CHSY1: variants seen among roughly 807,000 people sequenced by gnomAD.
The protein encoded by CHSY1 is chondroitin sulfate synthase 1.
CHSY1 carries 13 observed loss-of-function variants against 59.8 expected under a neutral mutation model. The ratio of observed to expected loss-of-function variants is 0.22; its 90% CI spans 0.14 to 0.35. CHSY1 has a LOEUF of 0.35. Among genes scored for constraint, CHSY1 ranks in the 10% least tolerant of loss-of-function variants. The pLI is 1.00. For missense variants in CHSY1, 947 were observed against 1,030.6 expected, an observed-to-expected ratio of 0.92 and a Z score of 1.11; for synonymous variants, 459 against 401.2, an observed-to-expected ratio of 1.14 and a Z score of -1.72.
At chr15:101,202,755 T>G (rs562230958) in intron 2 of CHSY1, among the ~76,000 whole-genome samples, 14 of 152,356 alleles carry the variant, frequency 9.2e-5, no homozygotes, top group Non-Finnish European at 2.9e-5. Flanking sequence ...AATAGTAGTT[T>G]GCAAATTTAG....
Position 101,237,416 on chromosome 15 carries a change from C to T in CHSY1, c.321-1839G>A, listed in dbSNP as rs147134667. On this transcript the variant is annotated intron_variant, in intron 1 of 2. Transcript: ENST00000254190. The stretch of plus-strand genomic sequence containing the variant: ...GAAGGCCGAAGGAAGCCAGAGTGGA[C>T]ACAGGAAGACCACTGAGTAAACTAC... Among the ~76,000 whole-genome samples, 550 of 152,230 alleles carry T rather than the reference C, an allele frequency of 3.6e-3. 1 individual carries two copies. Among genetic ancestry groups the T allele is most frequent in the Non-Finnish European group, 6.1e-3 (414 of 68,002 alleles).
chr15:101,185,844 T>A, intron 2 of CHSY1, among the ~76,000 whole-genome samples: 1 of 151,948 alleles, frequency 6.6e-6, no homozygotes, highest in East Asian at 1.9e-4. Context: ...CTGAATCATT[T>A]TGCTCTAGGC....
chr15:101,213,139 C>G (rs2038698277), intron 2 of CHSY1, among the ~76,000 whole-genome samples: 1 of 151,976 alleles, frequency 6.6e-6, no homozygotes, highest in African/African-American at 2.4e-5. Context: ...GTAAGGAAAA[C>G]AGAGTAAGAG....
chr15:101,217,812 C>T (rs780801630), intron 2 of CHSY1, among the ~76,000 whole-genome samples: 1 of 152,172 alleles, frequency 6.6e-6, no homozygotes, highest in Non-Finnish European at 1.5e-5. Context: ...ATTCCAACCT[C>T]AAGGAAGGAG....
intron 2 of CHSY1, among the ~76,000 whole-genome samples, chr15:101,231,002 T>C (rs568751492): frequency 6.6e-6 from 1 of 152,264 alleles, no homozygotes; most frequent in East Asian, 1.9e-4. Flanking sequence ...TGTATTTTGG[T>C]GTGCGGGTGT....
intron 2 of CHSY1, among the ~76,000 whole-genome samples, chr15:101,211,721 G>A (rs1275911878): frequency 6.6e-6 from 1 of 151,966 alleles, no homozygotes; most frequent in Non-Finnish European, 1.5e-5. Context: ...TATCAAGGGA[G>A]AAATAATCCT....
chr15:101,242,075 A>T lies in CHSY1; in HGVS notation c.321-6498T>A, dbSNP rs538033674. On this transcript the variant is annotated intron_variant, in intron 1 of 2. Coordinates refer to ENST00000254190, the MANE Select transcript of CHSY1 (RefSeq NM_014918.5). ...TTATTTTCTATTGTTTTTCCCCCCA[A>T]ATATTTTCAATCCATGGATGGTGGA... Among the ~76,000 whole-genome samples the T allele has an allele frequency of 3.3e-5, 5 of 152,246 alleles. No individual in the cohort carries two copies. In the South Asian group the frequency reaches 1.0e-3, roughly 32 times the overall value.
chr15:101,210,276 G>A (rs1171006048), intron 2 of CHSY1, among the ~76,000 whole-genome samples: 8 of 152,158 alleles, frequency 5.3e-5, no homozygotes, highest in Non-Finnish European at 1.5e-5. Context: ...CAAAGCAAAA[G>A]TGCTTAGCAG....
rs200509372 is a variant in CHSY1 at position 101,250,892 on chromosome 15, G to GTACA, written c.320+241_320+244dup. On this transcript the variant is annotated intron_variant, in intron 1 of 2. Coordinates refer to ENST00000254190, the MANE Select transcript of CHSY1 (RefSeq NM_014918.5). ...TAAAGTGCCTTCATCAGGGTGAGAG[G>GTACA]TACACCCAGCGAGGCCACACTAGTC... is the stretch of plus-strand genomic sequence containing the variant. Among the ~76,000 whole-genome samples, 1,446 of 152,338 alleles carry GTACA rather than the reference G, an allele frequency of 9.5e-3. 20 individuals are homozygous for GTACA. Among genetic ancestry groups the GTACA allele is most frequent in the African/African-American group, 0.033 (1,370 of 41,578 alleles).
intron 2 of CHSY1, among the ~76,000 whole-genome samples, chr15:101,183,341 A>C (rs2038307292): frequency 6.6e-6 from 1 of 152,214 alleles, no homozygotes; most frequent in African/African-American, 2.4e-5. Context: ...AGCAATCTAA[A>C]AATTTCCACA....
chr15:101,224,343 T>G (rs932580330), intron 2 of CHSY1, among the ~76,000 whole-genome samples: 4 of 152,222 alleles, frequency 2.6e-5, no homozygotes, highest in Non-Finnish European at 4.4e-5. Context: ...CTGGGGGCAT[T>G]TGTGTGCCAA....
At chr15:101,189,242 C>T (rs1474217225) in intron 2 of CHSY1, among the ~76,000 whole-genome samples, 1 of 152,242 alleles carries the variant, frequency 6.6e-6, no homozygotes, top group East Asian at 1.9e-4. Context: ...CCACCCAGCA[C>T]CAGGTATGGC....
chr15:101,182,574 G>C (rs911546560), intron 2 of CHSY1, among the ~76,000 whole-genome samples: 1 of 152,234 alleles, frequency 6.6e-6, no homozygotes, highest in Non-Finnish European at 1.5e-5. Flanking sequence ...GTGGTGAGGT[G>C]CAAGTCTGAT....
chr15:101,186,597 GATTC>G, intron 2 of CHSY1: 2 of 151,934 alleles, frequency 1.3e-5, no homozygotes, highest in African/African-American at 4.8e-5. Context: ...TGAGCCCAGG[GATTC>G]AAGATGAGCT....
At chr15:101,247,522 A>G (rs752410017) in intron 1 of CHSY1, among the ~76,000 whole-genome samples, 15 of 152,192 alleles carry the variant, frequency 9.9e-5, no homozygotes, top group Non-Finnish European at 1.8e-4. Context: ...CCCAGGACTC[A>G]GGGTCGGGGG....
intron 2 of CHSY1, among the ~76,000 whole-genome samples, chr15:101,198,001 C>T (rs992803863): frequency 1.3e-5 from 2 of 152,158 alleles, no homozygotes; most frequent in African/African-American, 2.4e-5. Context: ...TCACGTCGCA[C>T]AGACTGCGAC....
rs549997964 is a variant in CHSY1, at chr15:101,247,837, G to A, written c.320+3300C>T. Among the ~76,000 whole-genome samples, 15 of 152,242 alleles carry A rather than the reference G, an allele frequency of 9.9e-5. No individual in the cohort carries two copies. In the South Asian group the frequency reaches 3.1e-3, roughly 32 times the overall value. On this transcript the variant is annotated intron_variant, in intron 1 of 2. Coordinates refer to ENST00000254190, the MANE Select transcript of CHSY1 (RefSeq NM_014918.5). ...AGATGTTCTATCATCAAAGTGCTGT[G>A]CCTTTAGTGTGGACGGGCATATCTC...
At chr15:101,210,919 A>G (rs1476124467) in intron 2 of CHSY1, among the ~76,000 whole-genome samples, 7 of 152,244 alleles carry the variant, frequency 4.6e-5, no homozygotes, top group Non-Finnish European at 7.3e-5. Context: ...AATGTGATTA[A>G]TATGTCCAGG....
In CHSY1 at chr15:101,177,324, A is replaced by C; in HGVS notation, c.*64T>G. The C allele has an allele frequency of 1.3e-6, 2 of 1,521,492 alleles. No individual in the cohort carries two copies. Among genetic ancestry groups the C allele is most frequent in the Non-Finnish European group, 1.8e-6 (2 of 1,121,270 alleles). 94.2% of individuals were successfully genotyped at this position (1,521,492 alleles called of 1,614,324 possible). A position where few individuals can be genotyped will look rare whatever the true frequency, so the allele number is the denominator to read the frequency against. The stretch of plus-strand genomic sequence containing the variant: ...TGTATACGGACTTCAAAAACTGATC[A>C]TACAAAAAATTTTTGAAAAATAAAT... On this transcript the variant is annotated 3_prime_UTR_variant, in exon 3 of 3. Coordinates refer to ENST00000254190, the MANE Select transcript of CHSY1 (RefSeq NM_014918.5).
Sources: allele counts gnomAD v4.1 joint callset (sites outside exome capture counted in the v4.1 genomes callset), GRCh38; gene constraint gnomAD v4.1.1; transcripts MANE v1.5; gene names NCBI Gene and HGNC (gene_info 2026-07-23, HGNC 2026-07-21).